Variants in CNBD2 observed in about 807,000 individuals in gnomAD.
The protein encoded by CNBD2 is cyclic nucleotide-binding domain-containing protein 2.
A neutral mutation model predicts 63.7 loss-of-function variants in CNBD2; 64 were observed. That is an observed-to-expected ratio of 1.00 (90% CI 0.82 to 1.24). CNBD2 has a LOEUF of 1.24. Among genes scored for constraint, CNBD2 ranks in the 50% most tolerant of loss-of-function variants. The probability of loss-of-function intolerance (pLI) is 0.00; values close to 1 mark genes in which losing one functional copy is unlikely to be tolerated. For missense variants in CNBD2, 691 were observed against 713.5 expected (o/e 0.97, Z 0.36); for synonymous variants, 229 against 255.4 (o/e 0.90, Z 0.99).
chr20:35,973,295 A>G (rs1028744191), intron 2 of CNBD2: 1 of 157,384 alleles, frequency 6.4e-6, no homozygotes, highest in African/African-American at 2.4e-5. Context: ...AGGAATCACA[A>G]TAACCAGGGT....
chr20:36,000,507 G>T (rs2056881574), intron 8 of CNBD2, among the ~76,000 whole-genome samples: 1 of 151,962 alleles, frequency 6.6e-6, no homozygotes, highest in Non-Finnish European at 1.5e-5. Context: ...CTCCTGAATA[G>T]CCGGGACTAC....
chr20:35,955,425 T>A (rs2056245431), downstream of CNBD2: 1 of 152,238 alleles, frequency 6.6e-6, no homozygotes, highest in South Asian at 2.1e-4. Context: ...GCATGTGCAG[T>A]TTACATTATA....
Position 35,987,419 on chromosome 20 carries a change from G to A in CNBD2, c.741G>A (p.Trp247Ter). Residue 247 changes from tryptophan (W) to a stop codon, truncating the protein, a stop_gained, in exon 7 of 12, where the codon TGG becomes TGA. Transcript: ENST00000373973. LOFTEE classifies it high-confidence loss of function. ...GGAAGATGGAGCTGTTTGCATCATGGTCTGATGAGAAGCTCTGGCAGCTGG... is the reference window on the plus strand; with the variant it reads ...GGAAGATGGAGCTGTTTGCATCATGATCTGATGAGAAGCTCTGGCAGCTGG... ...FFRKMELFAS[W>*]SDEKLWQLVA... 2 of 1,614,184 alleles carry A rather than the reference G, an allele frequency of 1.2e-6. No individual in the cohort carries two copies. The highest frequency in any genetic ancestry group is 1.3e-5 in the African/African-American group (1 of 75,060).
At chr20:35,994,041 G>A (rs1309417815) in intron 7 of CNBD2, among the ~76,000 whole-genome samples, 5 of 149,692 alleles carry the variant, frequency 3.3e-5, no homozygotes, top group South Asian at 2.1e-4. Flanking sequence ...CACCATGCCC[G>A]GCTAATTTTG....
At chr20:36,016,501 A>G (rs918591598) in intron 10 of CNBD2, among the ~76,000 whole-genome samples, 23 of 152,074 alleles carry the variant, frequency 1.5e-4, no homozygotes, top group Admixed American at 2.0e-4. Flanking sequence ...AGAAAATAAG[A>G]CCACCAGGCC....
chr20:35,995,508 G>T (rs1329862062), intron 8 of CNBD2, among the ~76,000 whole-genome samples: 1 of 151,972 alleles, frequency 6.6e-6, no homozygotes, highest in Non-Finnish European at 1.5e-5. Context: ...CATATAAATA[G>T]CATCATACAT....
chr20:35,957,637 T>C (rs1454745227), downstream of CNBD2: 2 of 152,200 alleles, frequency 1.3e-5, no homozygotes, highest in African/African-American at 4.8e-5. Flanking sequence ...TTTCATGTAA[T>C]TTACATATAT....
chr20:35,986,245 G>A lies in CNBD2; in HGVS notation c.717-1150G>A, dbSNP rs546597169. On this transcript the variant is annotated intron_variant, in intron 6 of 11. Coordinates refer to ENST00000373973, the MANE Select transcript of CNBD2 (RefSeq NM_001365709.1). ...ACAGCTACAGAGAAGTGTGATGGCCGAGGGGTCTGGTTCCTGTGGCTGGGG... is the reference window on the plus strand; with the variant it reads ...ACAGCTACAGAGAAGTGTGATGGCCAAGGGGTCTGGTTCCTGTGGCTGGGG... 9.9e-5 allele frequency among the ~76,000 whole-genome samples: 15 copies of A among 152,268 alleles called. No homozygotes were observed. In the East Asian group the frequency reaches 2.3e-3, roughly 24 times the overall value.
At chr20:36,010,588 T>C (rs1340557053) in intron 9 of CNBD2, among the ~76,000 whole-genome samples, 3 of 151,748 alleles carry the variant, frequency 2.0e-5, no homozygotes, top group South Asian at 2.1e-4. Context: ...CTGGGCAACA[T>C]TGTGAAACCC....
chr20:35,954,440 G>T, upstream of CNBD2: 1 of 1,549,736 alleles, frequency 6.5e-7, no homozygotes, highest in Non-Finnish European at 8.7e-7. Context: ...AGAGTGTGCG[G>T]AGCTTACCTG....
At chr20:35,976,596 A>T (rs2056522680) in intron 3 of CNBD2, among the ~76,000 whole-genome samples, 1 of 152,230 alleles carries the variant, frequency 6.6e-6, no homozygotes, top group Non-Finnish European at 1.5e-5. Context: ...TCTCTAAAAA[A>T]GAGTCCTCTC....
At chr20:35,998,503 G>A (rs747467458) in intron 8 of CNBD2, among the ~76,000 whole-genome samples, 6 of 152,292 alleles carry the variant, frequency 3.9e-5, no homozygotes, top group Non-Finnish European at 8.8e-5. Flanking sequence ...TGAATGTTAA[G>A]TAGGTGAAGT....
At chr20:35,975,798 C>A in intron 2 of CNBD2, 151 bp from the exon 3 acceptor site, 1 of 596,552 alleles carries the variant, frequency 1.7e-6, no homozygotes, top group East Asian at 2.8e-5. Context: ...GGCCTTCGAG[C>A]AGAGGCAGGC....
chr20:35,978,031 G>A (rs886984434), intron 3 of CNBD2, among the ~76,000 whole-genome samples: 1 of 152,200 alleles, frequency 6.6e-6, no homozygotes, highest in Non-Finnish European at 1.5e-5. Flanking sequence ...TATTAGAGAG[G>A]CTTAGAATCA....
chr20:35,975,505 T>C (rs6060736), intron 2 of CNBD2, among the ~76,000 whole-genome samples: 3,525 of 139,020 alleles, frequency 0.025, 45 homozygotes, highest in South Asian at 0.092. Flanking sequence ...TTTCACCTTG[T>C]TAGCCAGGAT....
chr20:36,001,645 C>T (rs1274312890), intron 8 of CNBD2, among the ~76,000 whole-genome samples: 5 of 141,268 alleles, frequency 3.5e-5, no homozygotes, highest in Admixed American at 7.1e-5. Flanking sequence ...TCAGATGGGG[C>T]GGTTGCCAGG....
intron 8 of CNBD2, 123 bp from the exon 9 acceptor site, chr20:36,008,173 TA>T: frequency 4.5e-5 from 33 of 731,924 alleles, no homozygotes; most frequent in African/African-American, 1.4e-4. Flanking sequence ...CTTTTTTTTT[TA>T]AAAAATTTCC....
downstream of CNBD2, among the ~76,000 whole-genome samples, chr20:35,958,362 G>A (rs2056277600): frequency 6.6e-6 from 1 of 152,186 alleles, no homozygotes; most frequent in South Asian, 2.1e-4. Context: ...AACCCGGGAG[G>A]CAGAGGTTGC....
Position 35,968,735 on chromosome 20 carries a change from A to C in CNBD2, c.-28A>C, listed in dbSNP as rs758632416. On this transcript the variant is annotated 5_prime_UTR_variant, in exon 1 of 12. It removes the in-frame stop codon of an upstream open reading frame in the 5' UTR. Transcript: ENST00000373973. The stretch of plus-strand genomic sequence containing the variant: ...CCTCCCCTTGAAAGGCAAAGGGGCT[A>C]GTTGTGCCATTTGCCTGCACAGGAA... 6.3e-7 allele frequency: 1 copy of C among 1,593,976 alleles called. No individual in the cohort carries two copies. The highest frequency in any genetic ancestry group is 1.1e-5 in the South Asian group (1 of 87,732).
Sources: gnomAD v4.1 joint callset for allele counts (sites outside exome capture counted in the v4.1 genomes callset) on GRCh38, gnomAD v4.1.1 for gene constraint, MANE v1.5 for transcripts, NCBI Gene and HGNC (gene_info 2026-07-23, HGNC 2026-07-21) for gene names.